Variants in S100PBP observed in about 807,000 individuals in gnomAD.
S100PBP encodes the protein S100P-binding protein.
S100PBP carries 15 observed loss-of-function variants against 39.9 expected under a neutral mutation model. That is an observed-to-expected ratio of 0.38 (90% CI 0.25 to 0.58). The LOEUF is 0.58. Ranked by LOEUF, S100PBP falls within the 20% of genes least tolerant of loss-of-function variation. The pLI is 0.70. For synonymous variants in S100PBP, 178 were observed against 180.3 expected (o/e 0.99, Z 0.10); for missense variants, 504 against 487.3 (o/e 1.03, Z -0.32).
At chr1:32,855,531 C>A (rs780822764) in intron 6 of S100PBP, among the ~76,000 whole-genome samples, 1 of 152,092 alleles carries the variant, frequency 6.6e-6, no homozygotes, top group Non-Finnish European at 1.5e-5. Flanking sequence ...ACAATGAGGT[C>A]CTTTTGGAGG....
intron 6 of S100PBP, among the ~76,000 whole-genome samples, chr1:32,854,165 A>G (rs1640734911): frequency 6.6e-6 from 1 of 152,202 alleles, no homozygotes; most frequent in South Asian, 2.1e-4. Flanking sequence ...TCTATCAGCA[A>G]ATCCCATAGG....
chr1:32,836,621 A>AT (rs999653672), intron 5 of S100PBP: 2,629 of 894,654 alleles, frequency 2.9e-3, no homozygotes, highest in Middle Eastern at 4.6e-3. Context: ...CTTTCATTAA[A>AT]TTTTTTTTTT....
At chr1:32,821,094 TC>T (rs768164750) in intron 1 of S100PBP, among the ~76,000 whole-genome samples, 66 of 152,286 alleles carry the variant, frequency 4.3e-4, no homozygotes, top group Admixed American at 4.3e-3. Flanking sequence ...TATTTTTTTT[TC>T]CTTATTTATT....
At chr1:32,837,465 T>C (rs1400334972) in intron 5 of S100PBP, among the ~76,000 whole-genome samples, 2 of 139,986 alleles carry the variant, frequency 1.4e-5, no homozygotes, top group Non-Finnish European at 3.1e-5. Flanking sequence ...CTCGGGAGGC[T>C]GAGGCAGGAG....
In S100PBP at chr1:32,826,814, T is replaced by C. The variant is rs896644829; in HGVS notation, c.715T>C (p.Ser239Pro). 17 of 1,613,928 alleles carry C rather than the reference T, an allele frequency of 1.1e-5. No individual in the cohort carries two copies. Among genetic ancestry groups the C allele is most frequent in the Non-Finnish European group, 1.4e-5 (17 of 1,179,894 alleles). ...PDSENPTSVF[S>P]RISDHSETPN... is the part of the protein sequence containing the mutation. The stretch of plus-strand genomic sequence containing the variant: ...CAGTGAGAACCCTACGTCTGTATTC[T>C]CTCGGATCTCAGACCATTCAGAGAC... The change falls in exon 3 of 7, where the codon TCT becomes CCT. Residue 239 changes from serine to proline, a missense_variant. Ser to Pro is a moderately conservative substitution (Grantham distance 74, BLOSUM62 -1). Coordinates refer to ENST00000373475, the MANE Select transcript of S100PBP (RefSeq NM_022753.4).
intron 5 of S100PBP, among the ~76,000 whole-genome samples, chr1:32,849,105 C>T (rs1434460511): frequency 1.3e-5 from 2 of 151,956 alleles, no homozygotes; most frequent in Non-Finnish European, 1.5e-5. Context: ...CCTGGCTTTC[C>T]TGATTTACTA....
intron 5 of S100PBP, among the ~76,000 whole-genome samples, chr1:32,843,724 A>G (rs532991963): frequency 6.6e-6 from 1 of 151,960 alleles, no homozygotes; most frequent in South Asian, 2.1e-4. Context: ...AAGTGCTGGG[A>G]TTACAGGTGT....
At chr1:32,854,266 A>G (rs751809119) in intron 6 of S100PBP, among the ~76,000 whole-genome samples, 1 of 152,160 alleles carries the variant, frequency 6.6e-6, no homozygotes, top group Non-Finnish European at 1.5e-5. Flanking sequence ...CACGTTCCTT[A>G]TATAAAATGC....
rs887324710 is a variant in S100PBP at position 32,824,563 on chromosome 1, CT to C, written c.-119-738del. ...AATAGTCATCAATTTTTGTTTGTAT[CT>C]TTTTTTTTTTTCTTTTGAGACAGGG... is the stretch of plus-strand genomic sequence containing the variant. On this transcript the variant is annotated intron_variant, in intron 1 of 6. Transcript: ENST00000373475. 7.1e-3 allele frequency among the ~76,000 whole-genome samples: 1,030 copies of C among 145,284 alleles called. 12 individuals are homozygous for C. Among genetic ancestry groups the C allele is most frequent in the African/African-American group, 0.022 (894 of 39,898 alleles).
intron 1 of S100PBP, among the ~76,000 whole-genome samples, chr1:32,821,204 C>T (rs1639040081): frequency 6.6e-6 from 1 of 152,080 alleles, no homozygotes; most frequent in Non-Finnish European, 1.5e-5. Flanking sequence ...CTTTGGGAGG[C>T]TGAGGCGGAC....
At chr1:32,835,197 A>T (rs1389096523) in intron 5 of S100PBP, 1 of 152,192 alleles carries the variant, frequency 6.6e-6, no homozygotes, top group Non-Finnish European at 1.5e-5. Flanking sequence ...ATTAACTAGC[A>T]TTCTTTTGTA....
chr1:32,838,258 C>T (rs1000188721), intron 5 of S100PBP, among the ~76,000 whole-genome samples: 2 of 147,292 alleles, frequency 1.4e-5, no homozygotes, highest in African/African-American at 2.5e-5. Flanking sequence ...GGCATGAACC[C>T]GGGAGGCGGA....
Position 32,856,116 on chromosome 1 carries a change from T to C in S100PBP, c.*78T>C. ...CAGCATTTCATGTTCTTTTGCTGTT[T>C]TGTGCTTTGCCGATTTTGGATTTTA... On this transcript the variant is annotated 3_prime_UTR_variant, in exon 7 of 7. Coordinates refer to ENST00000373475, the MANE Select transcript of S100PBP (RefSeq NM_022753.4). 1.1e-6 allele frequency: 1 copy of C among 928,788 alleles called. No individual in the cohort carries two copies. The highest frequency in any genetic ancestry group is 1.6e-6 in the Non-Finnish European group (1 of 607,252). The allele number at this position is 928,788 out of a possible 1,614,324, so 57.5% of individuals were successfully genotyped here.
chr1:32,827,270 CTG>C (rs759442186), intron 3 of S100PBP, among the ~76,000 whole-genome samples: 9 of 152,154 alleles, frequency 5.9e-5, no homozygotes, highest in Non-Finnish European at 1.3e-4. Context: ...AAATTACCCT[CTG>C]TTGAATAATT....
intron 1 of S100PBP, among the ~76,000 whole-genome samples, chr1:32,823,151 C>T (rs1184833464): frequency 1.3e-5 from 2 of 152,220 alleles, no homozygotes; most frequent in Non-Finnish European, 2.9e-5. Context: ...CTATTGAACT[C>T]TCCATTTGGC....
chr1:32,816,897 C>T, upstream of S100PBP: 1 of 570,088 alleles, frequency 1.8e-6, no homozygotes, highest in South Asian at 2.1e-5. Flanking sequence ...AGCGACTAAG[C>T]ACCACGTCTG....
chr1:32,821,158 G>A (rs1639037951), intron 1 of S100PBP, among the ~76,000 whole-genome samples: 1 of 151,518 alleles, frequency 6.6e-6, no homozygotes, highest in Admixed American at 6.6e-5. Context: ...ATAAAACATT[G>A]GCCGGGCGCG....
chr1:32,851,687 AAAG>A (rs1640616654), intron 5 of S100PBP, among the ~76,000 whole-genome samples: 2 of 152,070 alleles, frequency 1.3e-5, no homozygotes, highest in African/African-American at 4.8e-5. Context: ...CCCACAAAAA[AAAG>A]AAAAAAAAAG....
At chr1:32,821,514 G>A (rs560287247) in intron 1 of S100PBP, among the ~76,000 whole-genome samples, 1 of 151,996 alleles carries the variant, frequency 6.6e-6, no homozygotes, top group East Asian at 1.9e-4. Flanking sequence ...TAGAGTTGGG[G>A]TTTCACCAGG....
Sources: gnomAD v4.1 joint callset for allele counts (sites outside exome capture counted in the v4.1 genomes callset) on GRCh38, gnomAD v4.1.1 for gene constraint, MANE v1.5 for transcripts, NCBI Gene and HGNC (gene_info 2026-07-23, HGNC 2026-07-21) for gene names.